LRIT1: variants seen among roughly 807,000 people sequenced by gnomAD.
LRIT1 encodes the protein leucine-rich repeat, immunoglobulin-like domain and transmembrane domain-containing protein 1.
A neutral mutation model predicts 24.0 loss-of-function variants in LRIT1; 23 were observed. That is an observed-to-expected ratio of 0.96 (90% confidence interval 0.69 to 1.36). The LOEUF (loss-of-function observed/expected upper bound fraction) is 1.36. Among genes scored for constraint, LRIT1 ranks in the 40% most tolerant of loss-of-function variants. LRIT1 has a pLI of 0.00. For synonymous variants in LRIT1, 361 were observed against 340.5 expected, an observed-to-expected ratio of 1.06 and a Z score of -0.66; for missense variants, 846 against 806.3, an observed-to-expected ratio of 1.05 and a Z score of -0.60.
rs1030201640 is a variant in LRIT1 at position 84,237,364 on chromosome 10, C to T, written c.445G>A (p.Glu149Lys). 1.3e-6 allele frequency: 2 copies of T among 1,549,914 alleles called. No homozygotes were observed. Among genetic ancestry groups the T allele is most frequent in the Non-Finnish European group, 1.7e-6 (2 of 1,146,926 alleles). ...QANRLSAVPA[E>K]AARFLENLTF... ...AGGTTCTCCAGGAAGCGCGCGGCCTCAGCGGGCACAGCCGAGAGGCGGTTG... is the reference window on the plus strand; with the variant it reads ...AGGTTCTCCAGGAAGCGCGCGGCCTTAGCGGGCACAGCCGAGAGGCGGTTG... The change falls in exon 2 of 4, where the codon GAG (glutamate) becomes AAG (lysine). Residue 149 changes from glutamate to lysine, a missense_variant. Glu to Lys is a moderately conservative substitution (Grantham distance 56, BLOSUM62 1). Transcript: ENST00000372105.
chr10:84,237,412 G>T lies in LRIT1; in HGVS notation c.397C>A (p.Leu133Met). Residue 133 changes from leucine to methionine, a missense_variant, in exon 2 of 4, where the codon CTG becomes ATG. Coordinates refer to ENST00000372105, the MANE Select transcript of LRIT1 (RefSeq NM_015613.3). ...PWAALRDAPK[L>M]RLLDLQANRL... The stretch of plus-strand genomic sequence containing the variant: ...TTGGCCTGCAGGTCCAGCAGCCGCA[G>T]CTTGGGGGCGTCCCTGAGCGCCGCC... 1 of 1,546,844 alleles carries T rather than the reference G, an allele frequency of 6.5e-7. No homozygotes were observed. The highest frequency in any genetic ancestry group is 8.7e-7 in the Non-Finnish European group (1 of 1,147,010).
Position 84,241,542 on chromosome 10 carries a change from T to G in LRIT1, c.-103A>C. 1 of 1,229,318 alleles carries G rather than the reference T, an allele frequency of 8.1e-7. No homozygotes were observed. The highest frequency in any genetic ancestry group is 1.1e-6 in the Non-Finnish European group (1 of 916,308). 76.2% of individuals were successfully genotyped at this position (1,229,318 alleles called of 1,614,324 possible). On this transcript the variant is annotated 5_prime_UTR_variant, in exon 1 of 4. Transcript: ENST00000372105. ...GCTGCCCACTTGCTCGCCAGCCCCT[T>G]ACACCCCCTCCTGAGGCCATCGGAT...
rs770500510 is a variant in LRIT1, at chr10:84,232,610, A to G, written c.1189T>C (p.Ser397Pro). 1 of 1,613,876 alleles carries G rather than the reference A, an allele frequency of 6.2e-7. No homozygotes were observed. Among genetic ancestry groups the G allele is most frequent in the Non-Finnish European group, 8.5e-7 (1 of 1,179,816 alleles). Residue 397 changes from serine to proline, a missense_variant, in exon 4 of 4, where the codon TCT becomes CCT. Coordinates refer to ENST00000372105, the MANE Select transcript of LRIT1 (RefSeq NM_015613.3). ...AGCTCCTCCTTTGTGCTGGGCACAGAGGGTCCAGTGGCCAGGACAGCGGGT... is the reference window on the plus strand; with the variant it reads ...AGCTCCTCCTTTGTGCTGGGCACAGGGGGTCCAGTGGCCAGGACAGCGGGT... ...PKPAVLATGP[S>P]VPSTKEELTL...
intron 3 of LRIT1, among the ~76,000 whole-genome samples, chr10:84,233,251 C>T (rs1842618479): frequency 6.6e-6 from 1 of 152,126 alleles, no homozygotes; most frequent in Non-Finnish European, 1.5e-5. Flanking sequence ...CTTACTCCAG[C>T]CTGGAACTCC....
intron 1 of LRIT1, among the ~76,000 whole-genome samples, chr10:84,238,352 CAA>C (rs34171796): frequency 1.1e-4 from 14 of 122,046 alleles, no homozygotes; most frequent in Non-Finnish European, 8.8e-5. Flanking sequence ...AAGACTGTCT[CAA>C]AAAAAAAAAA....
rs560094005 is a variant in LRIT1, at chr10:84,231,835, G to C, written c.*92C>G. On this transcript the variant is annotated 3_prime_UTR_variant, in exon 4 of 4. Transcript: ENST00000372105. ...TAAGTATCTGAGTAAGCAGGTACCC[G>C]AGCAGGTAAGAGTGGGTGATCGTGT... 7.8e-6 allele frequency: 11 copies of C among 1,407,798 alleles called. No individual in the cohort carries two copies. The highest frequency in any genetic ancestry group is 1.4e-5 in the South Asian group (1 of 71,646). 87.2% of individuals were successfully genotyped at this position (1,407,798 alleles called of 1,614,324 possible). A position where few individuals can be genotyped will look rare whatever the true frequency, so the allele number is the denominator to read the frequency against.
chr10:84,237,494 G>A lies in LRIT1; in HGVS notation c.315C>T (p.Gly105=), dbSNP rs10887259. The change falls in exon 2 of 4, where the codon GGC becomes GGT. Residue 105 remains glycine (G), a synonymous_variant. Transcript: ENST00000372105. ...GCCGCAGCTCCCGCAGGCGTCGCAG[G>A]CCCCGCAGCATGAGGGCGTTGAGCT... ...LSELNALMLR[G]LRRLRELRLP... 0.36 allele frequency: 579,964 copies of A among 1,594,504 alleles called. 114,516 individuals are homozygous for A. Among genetic ancestry groups the A allele is most frequent in the African/African-American group, 0.8 (59,478 of 74,810 alleles).
rs142232188 is a variant in LRIT1, at chr10:84,232,270, C to T, written c.1529G>A (p.Cys510Tyr). ...VQGLVPRKEQ[C>Y]VIFSTNEVVD... ...CACTTCATTGGTGGAGAAAATAACA[C>T]ACTGCTCCTTCCGGGGCACCAGGCC... Residue 510 changes from cysteine to tyrosine, a missense_variant, in exon 4 of 4, where the codon TGT (cysteine) becomes TAT (tyrosine). By Grantham distance (194) the Cys-to-Tyr change is radical. Coordinates refer to ENST00000372105, the MANE Select transcript of LRIT1 (RefSeq NM_015613.3). 1.6e-5 allele frequency: 26 copies of T among 1,614,022 alleles called. No individual in the cohort carries two copies. The highest frequency in any genetic ancestry group is 2.7e-5 in the African/African-American group (2 of 74,932).
rs371478118 is a variant in LRIT1, at chr10:84,241,394, G to C, written c.46C>G (p.Pro16Ala). 17 of 1,610,512 alleles carry C rather than the reference G, an allele frequency of 1.1e-5. No homozygotes were observed. Among genetic ancestry groups the C allele is most frequent in the African/African-American group, 1.3e-5 (1 of 74,758 alleles). The change falls in exon 1 of 4, where the codon CCC becomes GCC. Residue 16 changes from proline (P) to alanine (A), a missense_variant. Physicochemically the swap from Pro to Ala is conservative, Grantham distance 27. Coordinates refer to ENST00000372105, the MANE Select transcript of LRIT1 (RefSeq NM_015613.3). ...GMLWLLALAW[P>A]PQARGFCPSQ... is the part of the protein sequence containing the mutation. Reference sequence around the variant, plus strand: ...GGGCAGAAGCCCCGGGCCTGGGGGGGCCACGCAAGGGCCAAGAGCCAGAGC... The same window carrying C: ...GGGCAGAAGCCCCGGGCCTGGGGGGCCCACGCAAGGGCCAAGAGCCAGAGC...
In LRIT1 at chr10:84,232,767, A is replaced by C; in HGVS notation, c.1032T>G (p.Ile344Met). 6.2e-7 allele frequency: 1 copy of C among 1,613,998 alleles called. No homozygotes were observed. The highest frequency in any genetic ancestry group is 1.6e-4 in the Middle Eastern group (1 of 6,062). The stretch of plus-strand genomic sequence containing the variant: ...CTGTGGAAGTCGGTGGCTCAGTGAC[A>C]ATCAAGGAGATAACAGTTTCAGAGG... Reference protein sequence around the residue: ...LGASETVISLIVTEPPTSTEH... With the variant: ...LGASETVISLMVTEPPTSTEH... The change falls in exon 4 of 4, where the codon ATT (isoleucine) becomes ATG (methionine). Residue 344 changes from isoleucine to methionine, a missense_variant. Physicochemically the swap from Ile to Met is conservative, Grantham distance 10. Coordinates refer to ENST00000372105, the MANE Select transcript of LRIT1 (RefSeq NM_015613.3).
intron 3 of LRIT1, among the ~76,000 whole-genome samples, chr10:84,233,184 T>C (rs1272412934): frequency 1.3e-5 from 2 of 152,092 alleles, no homozygotes; most frequent in Admixed American, 6.5e-5. Flanking sequence ...TTGTTTGCTT[T>C]TTTCAGACAG....
chr10:84,235,174 T>C (rs1842637879), intron 2 of LRIT1, among the ~76,000 whole-genome samples: 1 of 152,208 alleles, frequency 6.6e-6, no homozygotes, highest in South Asian at 2.1e-4. Flanking sequence ...TATCTAATAA[T>C]CAATGATATC....
rs766849750 is a variant in LRIT1 at position 84,232,089 on chromosome 10, G to C, written c.1710C>G (p.Thr570=). The C allele has an allele frequency of 1.2e-6, 2 of 1,614,168 alleles. No individual in the cohort carries two copies. The highest frequency in any genetic ancestry group is 1.7e-5 in the Admixed American group (1 of 60,018). The change falls in exon 4 of 4, where the codon ACC becomes ACG. Residue 570 remains threonine, a synonymous_variant. Transcript: ENST00000372105. ...AGCCCAGTCTCTCTAGGTTGACGTAGGTAACTGTGGCCTCAGTGGAGTCCT... is the reference window on the plus strand; with the variant it reads ...AGCCCAGTCTCTCTAGGTTGACGTACGTAACTGTGGCCTCAGTGGAGTCCT... The part of the protein sequence containing the change: ...FNKDSTEATV[T]YVNLERLGYS...
chr10:84,232,891 A>G lies in LRIT1; in HGVS notation c.908T>C (p.Val303Ala), dbSNP rs1210010247. The change falls in exon 4 of 4, where the codon GTC (valine) becomes GCC (alanine). Residue 303 changes from valine (V) to alanine (A), a missense_variant. Val to Ala is a moderately conservative substitution (Grantham distance 64). Transcript: ENST00000372105. ...AGTCCAGCTCGTGCCGTCACTGGAG[A>G]CTTCCTGGTGCACTAGGAGGAAAAC... is the stretch of plus-strand genomic sequence containing the variant. ...RPLNGTVHQE[V>A]SSDGTSWTLL... 1 of 1,610,870 alleles carries G rather than the reference A, an allele frequency of 6.2e-7. No individual in the cohort carries two copies.
chr10:84,233,675 C>T (rs376453296), intron 3 of LRIT1, among the ~76,000 whole-genome samples: 1 of 152,226 alleles, frequency 6.6e-6, no homozygotes, highest in Non-Finnish European at 1.5e-5. Flanking sequence ...GCTAGACCCA[C>T]ATGAAGAGCT....
At chr10:84,239,610 C>A (rs1432722431) in intron 1 of LRIT1, among the ~76,000 whole-genome samples, 9 of 152,172 alleles carry the variant, frequency 5.9e-5, no homozygotes, top group Non-Finnish European at 4.4e-5. Context: ...CAGCTCAAAC[C>A]TCCAGCACAA....
chr10:84,237,080 C>G, intron 2 of LRIT1, 140 bp downstream of exon 2: 1 of 709,276 alleles, frequency 1.4e-6, no homozygotes, highest in Non-Finnish European at 2.4e-6. Context: ...GATTGAGCTC[C>G]TAAACCCGCC....
chr10:84,232,934 C>T (rs142969591), intron 3 of LRIT1, 31 bp from the exon 4 acceptor site: 32 of 1,588,746 alleles, frequency 2.0e-5, no homozygotes, highest in South Asian at 5.6e-5. Flanking sequence ...TGTGGGAGAA[C>T]GAATGGGCCC....
At chr10:84,237,714 G>A (rs1412484093) in intron 1 of LRIT1, 28 bp from the exon 2 acceptor site, 5 of 1,531,438 alleles carry the variant, frequency 3.3e-6, no homozygotes, top group Non-Finnish European at 4.4e-6. Context: ...GGATAGTTGA[G>A]CAAGGATCCT....
Sources: gnomAD v4.1 joint callset for allele counts (sites outside exome capture counted in the v4.1 genomes callset) on GRCh38, gnomAD v4.1.1 for gene constraint, MANE v1.5 for transcripts, NCBI Gene and HGNC (gene_info 2026-07-23, HGNC 2026-07-21) for gene names.